The following NOS1 variants were observed in gnomAD, a reference collection of about 807,000 sequenced individuals.
NOS1 encodes the protein nitric oxide synthase 1.
Under a neutral mutation model 164.5 loss-of-function variants are expected in NOS1, and 51 were observed. The ratio of observed to expected loss-of-function variants is 0.31; its 90% confidence interval spans 0.25 to 0.39. The LOEUF (loss-of-function observed/expected upper bound fraction) is 0.39, where lower values mean the gene tolerates loss of function less well. NOS1 is among the 10% of genes least tolerant of loss of function. The probability of loss-of-function intolerance (pLI) is 1.00; values close to 1 mark genes in which losing one functional copy is unlikely to be tolerated. For missense variants in NOS1, 1,362 were observed against 1,885.6 expected, an observed-to-expected ratio of 0.72 and a Z score of 5.14; for synonymous variants, 719 against 745.8, an observed-to-expected ratio of 0.96 and a Z score of 0.59.
At chr12:117,350,120 T>A (rs1876549185) in intron 1 of NOS1, among the ~76,000 whole-genome samples, 1 of 152,036 alleles carries the variant, frequency 6.6e-6, no homozygotes, top group Non-Finnish European at 1.5e-5. Context: ...ACCAAGAAAG[T>A]TTCTCCAAGT....
intron 24 of NOS1, 129 bp downstream of exon 24, chr12:117,226,554 A>T (rs1868691425): frequency 2.7e-6 from 2 of 728,526 alleles, no homozygotes; most frequent in African/African-American, 1.7e-5. Flanking sequence ...GAGACGCAGG[A>T]CATTGGTCTC....
chr12:117,253,055 C>T (rs9658447), intron 17 of NOS1, among the ~76,000 whole-genome samples: 3,171 of 152,246 alleles, frequency 0.021, 104 homozygotes, highest in African/African-American at 0.072. Context: ...TATGTGACTA[C>T]GCCATGAGAT....
At chr12:117,229,747 C>G (rs1024918312) in intron 22 of NOS1, among the ~76,000 whole-genome samples, 1 of 152,178 alleles carries the variant, frequency 6.6e-6, no homozygotes, top group African/African-American at 2.4e-5. Context: ...CACCACCACA[C>G]CAAGCTAATT....
At chr12:117,285,468 G>A (rs944656504) in intron 6 of NOS1, 136 bp from the exon 7 acceptor site, 1 of 458,564 alleles carries the variant, frequency 2.2e-6, no homozygotes, top group Non-Finnish European at 4.0e-6. Flanking sequence ...CCTCATTACT[G>A]AGTCCCAGGC....
At position 117,243,350 on chromosome 12, in the gene NOS1, T is replaced by A. The variant is rs746570568; in HGVS notation, c.2909A>T (p.Lys970Met). The change falls in exon 19 of 29, where the codon AAG becomes ATG. Residue 970 changes from lysine (K) to methionine (M), a missense_variant. Transcript: ENST00000317775. The surrounding 1 kb of genome is among the most constrained non-coding windows in gnomAD (Gnocchi z 4.3). ...NSLISNDRSW[K>M]RNKFRLTFVA... ...AAAGGTGAGGCGGAACTTGTTTCTCTTCCAGCTGCGATCATTGCTGATGAG... is the reference window on the plus strand; with the variant it reads ...AAAGGTGAGGCGGAACTTGTTTCTCATCCAGCTGCGATCATTGCTGATGAG... The A allele has an allele frequency of 6.2e-7, 1 of 1,614,078 alleles. No homozygotes were observed. Among genetic ancestry groups the A allele is most frequent in the Non-Finnish European group, 8.5e-7 (1 of 1,180,042 alleles).
At chr12:117,278,355 C>A (rs745965444) in intron 8 of NOS1, among the ~76,000 whole-genome samples, 1 of 152,172 alleles carries the variant, frequency 6.6e-6, no homozygotes, top group Non-Finnish European at 1.5e-5. Context: ...TTTGCACTAA[C>A]CTAGTAACTA....
At chr12:117,261,325 T>C (rs1871894956) in intron 13 of NOS1, among the ~76,000 whole-genome samples, 1 of 152,204 alleles carries the variant, frequency 6.6e-6, no homozygotes, top group Non-Finnish European at 1.5e-5. Context: ...AGATGATCGT[T>C]CATCCATTTC....
intron 1 of NOS1, among the ~76,000 whole-genome samples, chr12:117,334,985 T>G (rs1292874772): frequency 3.3e-5 from 5 of 152,180 alleles, no homozygotes; most frequent in East Asian, 1.9e-4. Flanking sequence ...GGTGAGTTGT[T>G]TATTTTCTCT....
chr12:117,310,438 G>A (rs1874372934), intron 3 of NOS1, among the ~76,000 whole-genome samples: 1 of 152,114 alleles, frequency 6.6e-6, no homozygotes, highest in South Asian at 2.1e-4. Flanking sequence ...GTTAATAAGT[G>A]AAAAAGCAAG....
intron 1 of NOS1, among the ~76,000 whole-genome samples, chr12:117,347,676 T>G (rs1876417026): frequency 6.6e-6 from 1 of 152,310 alleles, no homozygotes; most frequent in East Asian, 1.9e-4. Context: ...GTGGTTCCAG[T>G]CGATCCAGGT....
intron 5 of NOS1, among the ~76,000 whole-genome samples, chr12:117,286,625 G>A (rs1462213187): frequency 6.6e-5 from 10 of 151,940 alleles, no homozygotes; most frequent in Admixed American, 6.6e-4. Flanking sequence ...AGTTTTAAGG[G>A]GAACTCTTAT....
chr12:117,340,873 A>ATTTTTTTTTTTTTTTTTTTTT (rs56322341), intron 1 of NOS1, among the ~76,000 whole-genome samples: 7 of 104,480 alleles, frequency 6.7e-5, no homozygotes, highest in South Asian at 3.4e-4. Flanking sequence ...ACACCTGGCT[A>ATTTTTTTTTTTTTTTTTTTTT]TTTTTTTTTT....
intron 1 of NOS1, among the ~76,000 whole-genome samples, chr12:117,333,955 T>A (rs1486378929): frequency 2.6e-5 from 4 of 152,182 alleles, no homozygotes; most frequent in African/African-American, 4.8e-5. Flanking sequence ...GCATCCCGTT[T>A]GGCATTAAGG....
intron 7 of NOS1, among the ~76,000 whole-genome samples, chr12:117,284,820 C>A (rs1181696808): frequency 6.6e-6 from 1 of 151,854 alleles, no homozygotes; most frequent in Non-Finnish European, 1.5e-5. Context: ...GAGGCCGAGG[C>A]GGGTGGAGCA....
At chr12:117,281,013 C>G in intron 7 of NOS1, 147 bp from the exon 8 acceptor site, 1 of 817,478 alleles carries the variant, frequency 1.2e-6, no homozygotes, top group Non-Finnish European at 1.9e-6. Flanking sequence ...AATGGAGCAG[C>G]GGTCGGAAGG....
intron 3 of NOS1, among the ~76,000 whole-genome samples, chr12:117,303,496 C>G (rs749460443): frequency 2.0e-5 from 3 of 152,134 alleles, no homozygotes; most frequent in Non-Finnish European, 4.4e-5. Flanking sequence ...AGTGATCTCT[C>G]TATCTGATCA....
In NOS1 at chr12:117,330,233, C is replaced by A; in HGVS notation, c.725+112G>T. On this transcript the variant is annotated intron_variant, in intron 2 of 28. Coordinates refer to ENST00000317775, the MANE Select transcript of NOS1 (RefSeq NM_000620.5). This position sits in a 1 kb window ranked among gnomAD's most constrained non-coding sequence, Gnocchi z 4.6. Reference sequence around the variant, plus strand: ...GTTATGCAAAAACAGGTATCTGAGACAGCCCAGGTTGGCTTCTGGGCTATG... The same window carrying A: ...GTTATGCAAAAACAGGTATCTGAGAAAGCCCAGGTTGGCTTCTGGGCTATG... 3 of 1,433,130 alleles carry A rather than the reference C, an allele frequency of 2.1e-6. No homozygotes were observed. Among genetic ancestry groups the A allele is most frequent in the Non-Finnish European group, 2.7e-6 (3 of 1,092,684 alleles). The allele number at this position is 1,433,130 out of a possible 1,614,324, so 88.8% of individuals were successfully genotyped here. A position where few individuals can be genotyped will look rare whatever the true frequency, so the allele number is the denominator to read the frequency against.
intron 1 of NOS1, among the ~76,000 whole-genome samples, chr12:117,348,885 A>C (rs536143252): frequency 1.2e-3 from 180 of 152,222 alleles, no homozygotes; most frequent in Non-Finnish European, 2.0e-3. Context: ...GAAACAGCAC[A>C]GTAGCGGAGA....
chr12:117,288,245 T>C (rs1479426076), intron 4 of NOS1, 26 bp from the exon 5 acceptor site: 4 of 1,599,744 alleles, frequency 2.5e-6, no homozygotes, highest in African/African-American at 2.7e-5. Context: ...ATTTGGGGTA[T>C]TGCTTGGTTT....
Sources: allele counts gnomAD v4.1 joint callset (sites outside exome capture counted in the v4.1 genomes callset), GRCh38; gene constraint gnomAD v4.1.1; non-coding constraint Gnocchi (gnomAD v3.1); transcripts MANE v1.5; gene names NCBI Gene and HGNC (gene_info 2026-07-23, HGNC 2026-07-21).